The following GNRH1 variants were observed in gnomAD, a reference collection of about 807,000 sequenced individuals.
The protein encoded by GNRH1 is progonadoliberin-1.
GNRH1 carries 9 observed loss-of-function variants against 13.6 expected under a neutral mutation model. The observed-to-expected ratio is 0.66, with a 90% CI of 0.40 to 1.15. The LOEUF (loss-of-function observed/expected upper bound fraction) is 1.15. Ranked by LOEUF, GNRH1 falls within the 50% of genes most tolerant of loss-of-function variation. The pLI is 0.01. For missense variants in GNRH1, 116 were observed against 110.8 expected (o/e 1.05, Z -0.21); for synonymous variants, 44 against 40.1 (o/e 1.10, Z -0.37).
At chr8:25,421,771 G>A in intron 2 of GNRH1, 103 bp from the exon 3 acceptor site, 1 of 590,006 alleles carries the variant, frequency 1.7e-6, no homozygotes, top group Non-Finnish European at 3.2e-6. Context: ...AGGGGGATGT[G>A]GGGCTGGGGG....
chr8:25,419,601 T>A, intron 3 of GNRH1, 141 bp from the exon 4 acceptor site: 2 of 641,698 alleles, frequency 3.1e-6, no homozygotes, highest in African/African-American at 1.9e-5. Context: ...TAGGGAGACA[T>A]GATAAATTGG....
At chr8:25,422,004 A>G (rs1801780705) in intron 2 of GNRH1, among the ~76,000 whole-genome samples, 1 of 152,162 alleles carries the variant, frequency 6.6e-6, no homozygotes. Flanking sequence ...ATAGTTGTAA[A>G]AAAAGGTTGG....
Position 25,420,214 on chromosome 8 carries a change from G to T in GNRH1, c.238-754C>A, listed in dbSNP as rs376038229. 2.4e-4 allele frequency among the ~76,000 whole-genome samples: 36 copies of T among 151,904 alleles called. No individual in the cohort carries two copies. The East Asian group carries it at 6.1e-3, about 26-fold the overall frequency. Reference sequence around the variant, plus strand: ...GCGGATCACAAGGTTAAGGGATTGAGACCATCCTGGCCAACATGGTGAAAC... The same window carrying T: ...GCGGATCACAAGGTTAAGGGATTGATACCATCCTGGCCAACATGGTGAAAC... On this transcript the variant is annotated intron_variant, in intron 3 of 3. Transcript: ENST00000421054.
intron 1 of GNRH1, 65 bp from the exon 2 acceptor site, chr8:25,423,396 C>A (rs1324029151): frequency 5.0e-6 from 7 of 1,408,364 alleles, no homozygotes; most frequent in Non-Finnish European, 7.0e-6. Context: ...TAAAAGACCT[C>A]TTTAGTGAAA....
intron 3 of GNRH1, among the ~76,000 whole-genome samples, chr8:25,419,975 G>A (rs545326823): frequency 3.9e-4 from 59 of 152,170 alleles, no homozygotes; most frequent in Admixed American, 3.6e-3. Flanking sequence ...AATAGTTTAA[G>A]GATGAGTTGT....
intron 1 of GNRH1, chr8:25,423,584 C>T (rs1265454626): frequency 2.0e-5 from 10 of 504,288 alleles, no homozygotes; most frequent in African/African-American, 3.9e-5. Context: ...ATAGTCTATA[C>T]TTTTATTTTT....
chr8:25,424,440 T>C (rs946567029), upstream of GNRH1: 7 of 152,028 alleles, frequency 4.6e-5, no homozygotes, highest in African/African-American at 1.7e-4. Flanking sequence ...CCCTGGTATA[T>C]CTGTTAGATT....
At chr8:25,425,011 A>T (rs1273885676), upstream of GNRH1, among the ~76,000 whole-genome samples, 1 of 152,216 alleles carries the variant, frequency 6.6e-6, no homozygotes, top group Non-Finnish European at 1.5e-5. Flanking sequence ...ATCACTCTTA[A>T]GGGCAGTGGG....
In GNRH1 at chr8:25,423,333, T is replaced by C; in HGVS notation, c.-1-2A>G. On this transcript the variant is annotated splice_acceptor_variant, in intron 1 of 3. Coordinates refer to ENST00000421054, the MANE Select transcript of GNRH1 (RefSeq NM_001083111.2). LOFTEE classifies it low-confidence loss of function (5UTR_SPLICE). ...AGGAGTTTTTGAATTGGCTTCATTCTAAGGCACATGAATGCACAATCAAAT... is the reference window on the plus strand; with the variant it reads ...AGGAGTTTTTGAATTGGCTTCATTCCAAGGCACATGAATGCACAATCAAAT... The C allele has an allele frequency of 6.2e-7, 1 of 1,612,140 alleles. No homozygotes were observed. The highest frequency in any genetic ancestry group is 8.5e-7 in the Non-Finnish European group (1 of 1,178,230).
intron 2 of GNRH1, among the ~76,000 whole-genome samples, chr8:25,422,485 C>T (rs1801786328): frequency 1.3e-5 from 2 of 152,138 alleles, no homozygotes. Context: ...GAAGTCAAGG[C>T]TGCAGTGAGC....
At chr8:25,420,383 C>CGTCTCAA (rs1554515179) in intron 3 of GNRH1, among the ~76,000 whole-genome samples, 5 of 150,448 alleles carry the variant, frequency 3.3e-5, no homozygotes, top group South Asian at 2.1e-4. Flanking sequence ...CACTGCACTC[C>CGTCTCAA]AAAAAAAACG....
intron 3 of GNRH1, among the ~76,000 whole-genome samples, chr8:25,420,963 A>G (rs907919836): frequency 3.3e-5 from 5 of 152,176 alleles, no homozygotes; most frequent in African/African-American, 7.2e-5. Context: ...CAAAAACCTA[A>G]TATGATTAGT....
upstream of GNRH1, chr8:25,424,783 G>A (rs1476766760): frequency 6.6e-6 from 1 of 152,308 alleles, no homozygotes; most frequent in East Asian, 1.9e-4. Flanking sequence ...ACAAGTAAGT[G>A]ACACTATATA....
chr8:25,422,587 G>A (rs572277764), intron 2 of GNRH1, among the ~76,000 whole-genome samples: 151 of 152,190 alleles, frequency 9.9e-4, no homozygotes, highest in African/African-American at 3.3e-3. Context: ...AGTACCTCAC[G>A]TTAGTGTTGG....
chr8:25,420,393 G>T (rs2321248), intron 3 of GNRH1, among the ~76,000 whole-genome samples: 1 of 141,544 alleles, frequency 7.1e-6, no homozygotes, highest in Non-Finnish European at 1.5e-5. Flanking sequence ...CAAAAAAAAC[G>T]AAAAAGGAAA....
chr8:25,423,421 A>G, intron 1 of GNRH1, 90 bp from the exon 2 acceptor site: 1 of 1,098,396 alleles, frequency 9.1e-7, no homozygotes, highest in Non-Finnish European at 1.4e-6. Flanking sequence ...TAGCATCTGT[A>G]TCACTAACCC....
intron 3 of GNRH1, among the ~76,000 whole-genome samples, chr8:25,420,427 C>G (rs1292598327): frequency 8.7e-6 from 1 of 114,862 alleles, no homozygotes; most frequent in South Asian, 2.9e-4. Flanking sequence ...CCACTTTTTT[C>G]TTTGTTCTGT....
At position 25,419,420 on chromosome 8, in the gene GNRH1, TAA is replaced by T; in HGVS notation, c.276_277del (p.Ter93AsnfsTer8). On this transcript the variant is annotated frameshift_variant and stop_lost, in exon 4 of 4. Coordinates refer to ENST00000421054, the MANE Select transcript of GNRH1 (RefSeq NM_001083111.2). LOFTEE classifies it high-confidence loss of function. Reference sequence around the variant, plus strand: ...GTCATTCCTTCTGGCCCAATGGATTTAAATCTTCTTCTGCCCAGTTTCCTCTT... The same window carrying T: ...GTCATTCCTTCTGGCCCAATGGATTTATCTTCTTCTGCCCAGTTTCCTCTT... 6.8e-7 allele frequency: 1 copy of T among 1,470,542 alleles called. No homozygotes were observed. Among genetic ancestry groups the T allele is most frequent in the Non-Finnish European group, 9.5e-7 (1 of 1,049,108 alleles). The allele number at this position is 1,470,542 out of a possible 1,614,324, so 91.1% of individuals were successfully genotyped here.
intron 2 of GNRH1, 22 bp from the exon 3 acceptor site, chr8:25,421,690 C>A: frequency 8.9e-7 from 1 of 1,124,300 alleles, no homozygotes; most frequent in Admixed American, 1.9e-5. Flanking sequence ...GAATGTGATG[C>A]TTTGAGATGG....
Sources: allele counts gnomAD v4.1 joint callset (sites outside exome capture counted in the v4.1 genomes callset), GRCh38; gene constraint gnomAD v4.1.1; transcripts MANE v1.5; gene names NCBI Gene and HGNC (gene_info 2026-07-23, HGNC 2026-07-21).